LARGE1: variants seen among roughly 807,000 people sequenced by gnomAD.
LARGE1 encodes the protein LARGE xylosyl- and glucuronyltransferase 1.
Under a neutral mutation model 87.6 loss-of-function variants are expected in LARGE1, and 43 were observed. That is an observed-to-expected ratio of 0.49 (90% confidence interval 0.38 to 0.63). The LOEUF (loss-of-function observed/expected upper bound fraction) is 0.63. LARGE1 is among the 30% of genes least tolerant of loss of function. The pLI, the probability that LARGE1 is intolerant of heterozygous loss-of-function variation, is 0.00. For missense variants in LARGE1, 802 were observed against 1,000.2 expected, an observed-to-expected ratio of 0.80 and a Z score of 2.67; for synonymous variants, 434 against 394.6, an observed-to-expected ratio of 1.10 and a Z score of -1.18.
At chr22:33,538,328 C>T (rs1035333854) in intron 6 of LARGE1, among the ~76,000 whole-genome samples, 7 of 152,148 alleles carry the variant, frequency 4.6e-5, no homozygotes, top group Non-Finnish European at 8.8e-5. Flanking sequence ...TTTTTCTTCC[C>T]CTTCTCCATT....
chr22:33,655,389 C>A (rs1254783677), intron 2 of LARGE1, among the ~76,000 whole-genome samples: 1 of 152,128 alleles, frequency 6.6e-6, no homozygotes, highest in African/African-American at 2.4e-5. Context: ...AACTGAATCA[C>A]CAGATCTTCC....
intron 9 of LARGE1, among the ~76,000 whole-genome samples, chr22:33,374,183 T>C (rs368229734): frequency 2.0e-5 from 3 of 152,260 alleles, no homozygotes; most frequent in African/African-American, 7.2e-5. Flanking sequence ...TAATATGGTA[T>C]ACATTCCTAA....
intron 1 of LARGE1, among the ~76,000 whole-genome samples, chr22:33,780,464 CAGCTGG>C (rs1285363265): frequency 1.3e-5 from 2 of 152,180 alleles, no homozygotes; most frequent in Non-Finnish European, 2.9e-5. Flanking sequence ...TCACTCCAGG[CAGCTGG>C]AGGATGGACA....
the LARGE1 span, among the ~76,000 whole-genome samples, chr22:33,155,227 GTAGAGGTACCTGT>G: frequency 6.6e-6 from 1 of 152,166 alleles, no homozygotes; most frequent in African/African-American, 2.4e-5. Context: ...ATTTTTACAG[GTAGAGGTACCTGT>G]TACATTTTAA....
At chr22:33,364,927 C>T (rs1183165171) in intron 9 of LARGE1, among the ~76,000 whole-genome samples, 1 of 152,004 alleles carries the variant, frequency 6.6e-6, no homozygotes, top group Non-Finnish European at 1.5e-5. Flanking sequence ...AACTCCTGGG[C>T]TCAAGCAATC....
chr22:33,356,199 T>A (rs770752900), intron 9 of LARGE1, among the ~76,000 whole-genome samples: 13 of 152,234 alleles, frequency 8.5e-5, no homozygotes, highest in Non-Finnish European at 1.6e-4. Flanking sequence ...GTTTATCAGC[T>A]ATGTGTAAAA....
At chr22:33,507,146 T>C (rs1049568126) in intron 6 of LARGE1, among the ~76,000 whole-genome samples, 1 of 152,084 alleles carries the variant, frequency 6.6e-6, no homozygotes, top group Admixed American at 6.5e-5. Flanking sequence ...GCCTTAAGAA[T>C]GAGATGGAAT....
At chr22:33,570,881 C>T (rs16992556) in intron 5 of LARGE1, among the ~76,000 whole-genome samples, 9,166 of 151,924 alleles carry the variant, frequency 0.06, 547 homozygotes, top group African/African-American at 0.15. Flanking sequence ...CTTCTTACAT[C>T]ATGGGGTCAA....
In LARGE1 at chr22:33,911,406, G is replaced by A. The variant is rs542777606; in HGVS notation, c.-83+8589C>T. Among the ~76,000 whole-genome samples, 20 of 152,302 alleles carry A rather than the reference G, an allele frequency of 1.3e-4. No individual in the cohort carries two copies. In the East Asian group the frequency reaches 3.9e-3, roughly 29 times the overall value. ...GTAACTGAGAAACCCAGCAGAGAGGGAGTCATATTGGGAAATGGGTAAAGA... is the reference window on the plus strand; with the variant it reads ...GTAACTGAGAAACCCAGCAGAGAGGAAGTCATATTGGGAAATGGGTAAAGA... On this transcript the variant is annotated intron_variant, in intron 1 of 14. Transcript: ENST00000397394.
chr22:33,562,876 G>C (rs2077902767), intron 6 of LARGE1: 1 of 152,626 alleles, frequency 6.6e-6, no homozygotes, highest in Admixed American at 6.5e-5. Context: ...ATATGCTGTG[G>C]GTTGAGTTTC....
chr22:33,861,227 G>C (rs2063909286), intron 1 of LARGE1, among the ~76,000 whole-genome samples: 1 of 152,108 alleles, frequency 6.6e-6, no homozygotes, highest in South Asian at 2.1e-4. Flanking sequence ...TGACATCTGA[G>C]AGGAGGTAAC....
intron 11 of LARGE1, among the ~76,000 whole-genome samples, chr22:33,210,806 A>G (rs1413523110): frequency 6.6e-6 from 1 of 152,140 alleles, no homozygotes; most frequent in African/African-American, 2.4e-5. Flanking sequence ...GGCTGCCCCT[A>G]TGCTCTGGGC....
rs746251069 is a variant in LARGE1 at position 33,304,320 on chromosome 22, G to A, written c.1639C>T (p.Arg547Cys). Residue 547 changes from arginine to cysteine, a missense_variant, in exon 12 of 15, where the codon CGC (arginine) becomes TGC (cysteine). This residue lies in a region of LARGE1 where 625 missense variants were observed against 841.9 expected (regional missense o/e 0.74). Transcript: ENST00000397394. The part of the protein sequence containing the change: ...EGQFYPVNLL[R>C]NVAMKHISTP... Reference sequence around the variant, plus strand: ...CTGATGTGCTTCATGGCCACGTTGCGCAGCAGGTTCACGGGGTAGAACTGG... The same window carrying A: ...CTGATGTGCTTCATGGCCACGTTGCACAGCAGGTTCACGGGGTAGAACTGG... 1.2e-6 allele frequency: 2 copies of A among 1,614,282 alleles called. No individual in the cohort carries two copies. Among genetic ancestry groups the A allele is most frequent in the African/African-American group, 1.3e-5 (1 of 75,076 alleles).
rs546789632 is a variant in LARGE1 at position 33,748,142 on chromosome 22, T to G, written c.106+13229A>C. Among the ~76,000 whole-genome samples, 116 of 150,866 alleles carry G rather than the reference T, an allele frequency of 7.7e-4. 1 individual carries two copies. Among genetic ancestry groups the G allele is most frequent in the Non-Finnish European group, 1.6e-3 (111 of 67,652 alleles). ...TCCTATCAATGCAGGTTTGTTTTTT[T>G]TTTTTTTTTAGACAGAGTCTCAGTC... On this transcript the variant is annotated intron_variant, in intron 2 of 14. Coordinates refer to ENST00000397394, the MANE Select transcript of LARGE1 (RefSeq NM_133642.5).
intron 2 of LARGE1, among the ~76,000 whole-genome samples, chr22:33,743,729 C>T (rs1464572485): frequency 6.6e-6 from 1 of 152,196 alleles, no homozygotes; most frequent in Non-Finnish European, 1.5e-5. Context: ...ATATCACCAC[C>T]CCCATTTTAC....
At chr22:33,324,607 T>A (rs1313942654) in intron 10 of LARGE1, among the ~76,000 whole-genome samples, 3 of 152,194 alleles carry the variant, frequency 2.0e-5, no homozygotes, top group Non-Finnish European at 4.4e-5. Flanking sequence ...GCAGTTTGCA[T>A]TTATTTCTCC....
At chr22:33,453,993 T>C (rs2068037183) in intron 6 of LARGE1, among the ~76,000 whole-genome samples, 1 of 152,202 alleles carries the variant, frequency 6.6e-6, no homozygotes, top group African/African-American at 2.4e-5. Flanking sequence ...CAAGTAATTA[T>C]TAGGCAAGGC....
intron 2 of LARGE1, among the ~76,000 whole-genome samples, chr22:33,721,330 T>A (rs1319540487): frequency 6.6e-6 from 1 of 152,220 alleles, no homozygotes; most frequent in Admixed American, 6.5e-5. Flanking sequence ...GTCTCATTCA[T>A]AGAATATGGG....
chr22:33,564,143 T>C (rs530834450), intron 6 of LARGE1, among the ~76,000 whole-genome samples: 1 of 152,188 alleles, frequency 6.6e-6, no homozygotes, highest in Non-Finnish European at 1.5e-5. Context: ...ATTGTACTCA[T>C]CCAGTATAGA....
Sources: allele counts gnomAD v4.1 joint callset (sites outside exome capture counted in the v4.1 genomes callset), GRCh38; gene constraint gnomAD v4.1.1; regional missense constraint gnomAD v4.1.1; transcripts MANE v1.5; gene names NCBI Gene and HGNC (gene_info 2026-07-23, HGNC 2026-07-21).